The following ARHGAP9 variants were observed in gnomAD, a reference collection of about 807,000 sequenced individuals.
The protein encoded by ARHGAP9 is Rho GTPase activating protein 9.
A neutral mutation model predicts 87.3 loss-of-function variants in ARHGAP9; 76 were observed. The ratio of observed to expected loss-of-function variants is 0.87; its 90% CI spans 0.72 to 1.05. ARHGAP9 has a LOEUF of 1.05. Ranked by LOEUF, ARHGAP9 falls within the 50% of genes least tolerant of loss-of-function variation. ARHGAP9 has a pLI of 0.00. For synonymous variants in ARHGAP9, 382 were observed against 394.9 expected, an observed-to-expected ratio of 0.97 and a Z score of 0.39; for missense variants, 941 against 960.5, an observed-to-expected ratio of 0.98 and a Z score of 0.27.
chr12:57,488,745 T>C (rs1309758396), exon 1 of ARHGAP9: 1 of 1,298,506 alleles, frequency 7.7e-7, no homozygotes, highest in Non-Finnish European at 1.1e-6. Context: ...CTTTCAGTCG[T>C]TAAGTTCTTG....
At chr12:57,488,636 T>C in exon 1 of ARHGAP9, 3 of 1,551,034 alleles carry the variant, frequency 1.9e-6, no homozygotes, top group Non-Finnish European at 2.6e-6. Flanking sequence ...AGCCGATTGT[T>C]TGGGTGACTC....
rs1874554543 is a variant in ARHGAP9 at position 57,478,578 on chromosome 12, A to G, written c.496T>C (p.Ser166Pro). The change falls in exon 3 of 18, where the codon TCC becomes CCC. Residue 166 changes from serine (S) to proline (P), a missense_variant. Ser to Pro is a moderately conservative substitution (Grantham distance 74). Transcript: ENST00000393791. ...FQEGPSGRSL[S>P]QEDLPSEASA... ...GCTTCTGACGGCAAGTCTTCCTGGGAGAGGGATCTTCCGCTTGGTCCTTCC... is the reference window on the plus strand; with the variant it reads ...GCTTCTGACGGCAAGTCTTCCTGGGGGAGGGATCTTCCGCTTGGTCCTTCC... The G allele has an allele frequency of 2.5e-6, 4 of 1,614,034 alleles. No individual in the cohort carries two copies. The highest frequency in any genetic ancestry group is 3.4e-6 in the Non-Finnish European group (4 of 1,180,028).
intron 10 of ARHGAP9, 102 bp downstream of exon 10, chr12:57,475,731 G>T: frequency 6.7e-7 from 1 of 1,488,746 alleles, no homozygotes; most frequent in South Asian, 1.2e-5. Flanking sequence ...GCTCTCCACT[G>T]AGCCCACCCT....
chr12:57,479,986 G>C, upstream of ARHGAP9: 2 of 1,371,952 alleles, frequency 1.5e-6, no homozygotes, highest in Non-Finnish European at 1.9e-6. Context: ...CATGGTGACA[G>C]AGAAACAGAA....
At chr12:57,476,319 G>A (rs753819706) in intron 8 of ARHGAP9, 45 bp downstream of exon 8, 2 of 1,598,898 alleles carry the variant, frequency 1.3e-6, no homozygotes, top group Non-Finnish European at 1.7e-6. Context: ...GCGTGAGGCG[G>A]TAGGCAGCGC....
In ARHGAP9 at chr12:57,479,769, T is replaced by A; in HGVS notation, c.-58A>T. ...CAGAAGATTCAGGAGCAGGAGTTGGTCCTGGGTAGTGGTGGGAGTCTTGAG... is the reference window on the plus strand; with the variant it reads ...CAGAAGATTCAGGAGCAGGAGTTGGACCTGGGTAGTGGTGGGAGTCTTGAG... On this transcript the variant is annotated 5_prime_UTR_variant, in exon 1 of 18. Transcript: ENST00000393791. 1 of 1,550,460 alleles carries A rather than the reference T, an allele frequency of 6.4e-7. No individual in the cohort carries two copies. Among genetic ancestry groups the A allele is most frequent in the Non-Finnish European group, 8.7e-7 (1 of 1,146,886 alleles).
rs773474721 is a variant in ARHGAP9 at position 57,488,186 on chromosome 12, TG to T, written c.-204+425del. On this transcript the variant is annotated intron_variant, in intron 1 of 20. Coordinates refer to the ARHGAP9 transcript ENST00000393797. ...GCAGAGCAGAGGTGCTCATCAGCAC[TG>T]TAGGCCCGGAAGGTACTCGTGCTGG... 1.2e-6 allele frequency: 2 copies of T among 1,613,026 alleles called. No individual in the cohort carries two copies. The highest frequency in any genetic ancestry group is 3.3e-5 in the Admixed American group (2 of 59,940).
Position 57,472,668 on chromosome 12 carries a change from T to A in ARHGAP9, c.2045A>T (p.Lys682Met). 3.1e-6 allele frequency: 5 copies of A among 1,614,192 alleles called. No homozygotes were observed. Among genetic ancestry groups the A allele is most frequent in the Non-Finnish European group, 4.2e-6 (5 of 1,180,034 alleles). The change falls in exon 18 of 18, where the codon AAG becomes ATG. Residue 682 changes from lysine to methionine, a missense_variant. Lys to Met is a moderately conservative substitution (Grantham distance 95, BLOSUM62 -1). Coordinates refer to ENST00000393791, the MANE Select transcript of ARHGAP9 (RefSeq NM_032496.4). ...HLCRVIAHSD[K>M]NRMTPHNLGI... ...CAGGTTGTGGGGTGTCATGCGATTC[T>A]TATCTGAGTGTGCTATCACCCTGTA...
chr12:57,477,077 G>A (rs759329781), intron 5 of ARHGAP9, 79 bp downstream of exon 5: 14 of 1,545,572 alleles, frequency 9.1e-6, no homozygotes, highest in Non-Finnish European at 1.3e-5. Context: ...GTGGGGAATG[G>A]AGAATGTCTT....
At position 57,476,604 on chromosome 12, in the gene ARHGAP9, C is replaced by T. The variant is rs201219723; in HGVS notation, c.1011G>A (p.Gly337=). ...GLLNMTKIAQ[G]GRKLRKNWGP... is the part of the protein sequence containing the mutation. Reference sequence around the variant, plus strand: ...TGGGTTCTCACCTGAGCTTGCGCCCCCCTTGGGCAATCTTGGTCATGTTGA... The same window carrying T: ...TGGGTTCTCACCTGAGCTTGCGCCCTCCTTGGGCAATCTTGGTCATGTTGA... Residue 337 remains glycine (G), a synonymous_variant, in exon 7 of 18, where the codon GGG becomes GGA. Coordinates refer to ENST00000393791, the MANE Select transcript of ARHGAP9 (RefSeq NM_032496.4). 5.1e-5 allele frequency: 82 copies of T among 1,614,184 alleles called. No individual in the cohort carries two copies. Among genetic ancestry groups the T allele is most frequent in the Non-Finnish European group, 6.4e-5 (75 of 1,180,026 alleles).
At chr12:57,486,194 C>T (rs74875570) in intron 1 of ARHGAP9, among the ~76,000 whole-genome samples, 9,020 of 152,170 alleles carry the variant, frequency 0.059, 354 homozygotes, top group Non-Finnish European at 0.09. Flanking sequence ...GAATAAGAAG[C>T]GTCCCTTTCT....
At chr12:57,479,674 CA>C in intron 1 of ARHGAP9, 55 bp downstream of exon 1, 4 of 1,550,696 alleles carry the variant, frequency 2.6e-6, no homozygotes, top group Non-Finnish European at 3.5e-6. Flanking sequence ...GCTGCATGGC[CA>C]GCAAGGCAGG....
Position 57,478,623 on chromosome 12 carries a change from T to C in ARHGAP9, c.451A>G (p.Ser151Gly). ...RSVSTDNLSP[S>G]LLKPFQEGPS... ...CCTTCCTGGAAAGGCTTCAGAAGGC[T>C]GGGGCTCAGATTGTCAGTGCTGACG... Residue 151 changes from serine to glycine, a missense_variant, in exon 3 of 18, where the codon AGC becomes GGC. Transcript: ENST00000393791. 1.2e-6 allele frequency: 2 copies of C among 1,614,076 alleles called. No individual in the cohort carries two copies. The highest frequency in any genetic ancestry group is 1.7e-6 in the Non-Finnish European group (2 of 1,180,018).
rs1183371829 is a variant in ARHGAP9, at chr12:57,474,058, A to T, written c.1902T>A (p.His634Gln). 2 of 1,613,818 alleles carry T rather than the reference A, an allele frequency of 1.2e-6. No homozygotes were observed. Among genetic ancestry groups the T allele is most frequent in the Non-Finnish European group, 1.7e-6 (2 of 1,179,924 alleles). The stretch of plus-strand genomic sequence containing the variant: ...AACCCTTACCAAGGGCAGCACGGAA[A>T]TGGGGCAGCAGCAGTGGTGGCACCA... ...QPLVPPLLLPHFRAALALSES... is the reference protein window; with the variant it reads ...QPLVPPLLLPQFRAALALSES... Residue 634 changes from histidine to glutamine, a missense_variant, in exon 16 of 18, where the codon CAT becomes CAA. Physicochemically the swap from His to Gln is conservative, Grantham distance 24 (BLOSUM62 0). Transcript: ENST00000393791.
chr12:57,479,329 C>T lies in ARHGAP9; in HGVS notation c.78G>A (p.Gln26=), dbSNP rs754236262. The change falls in exon 2 of 18, where the codon CAG becomes CAA. Residue 26 remains glutamine, a synonymous_variant. Coordinates refer to ENST00000393791, the MANE Select transcript of ARHGAP9 (RefSeq NM_032496.4). ...AAGTAAAGGCATAGAGGGCACAGAGCTGGGATCCCCGAGGAGGGCTTCGGG... is the reference window on the plus strand; with the variant it reads ...AAGTAAAGGCATAGAGGGCACAGAGTTGGGATCCCCGAGGAGGGCTTCGGG... ...LGPRSPPRGS[Q]LCALYAFTYT... 4 of 1,614,208 alleles carry T rather than the reference C, an allele frequency of 2.5e-6. No homozygotes were observed. In the South Asian group the frequency reaches 3.3e-5, roughly 13 times the overall value.
rs770503763 is a variant in ARHGAP9, at chr12:57,473,586, G to A, written c.2024+17C>T. The A allele has an allele frequency of 6.2e-7, 1 of 1,602,152 alleles. No individual in the cohort carries two copies. The highest frequency in any genetic ancestry group is 1.1e-5 in the South Asian group (1 of 90,792). On this transcript the variant is annotated intron_variant, in intron 17 of 17. Coordinates refer to ENST00000393791, the MANE Select transcript of ARHGAP9 (RefSeq NM_032496.4). The stretch of plus-strand genomic sequence containing the variant: ...CACCTTTCCCCAGCATGAACAAAGA[G>A]GTTCTGTCTTCCTGACCTGCATAAA...
At position 57,475,871 on chromosome 12, in the gene ARHGAP9, C is replaced by G; in HGVS notation, c.1273G>C (p.Ala425Pro). ...LQSDHETELR[A>P]WHRALRTVIE... ...ACAGTCCGCAGCGCGCGGTGCCAGGCTCGCAGCTCTGTCTCGTGGTCCGAC... is the reference window on the plus strand; with the variant it reads ...ACAGTCCGCAGCGCGCGGTGCCAGGGTCGCAGCTCTGTCTCGTGGTCCGAC... Residue 425 changes from alanine to proline, a missense_variant, in exon 10 of 18, where the codon GCC becomes CCC. Transcript: ENST00000393791. The G allele has an allele frequency of 1.2e-6, 2 of 1,613,960 alleles. No individual in the cohort carries two copies. The highest frequency in any genetic ancestry group is 1.7e-6 in the Non-Finnish European group (2 of 1,179,926).
In ARHGAP9 at chr12:57,476,948, T is replaced by C; in HGVS notation, c.886A>G (p.Ser296Gly). 6.2e-7 allele frequency: 1 copy of C among 1,609,018 alleles called. No homozygotes were observed. The highest frequency in any genetic ancestry group is 8.5e-7 in the Non-Finnish European group (1 of 1,179,388). ...PLDPQGSLSL[S>G]QRTSQLDPPA... The stretch of plus-strand genomic sequence containing the variant: ...GGGTCAAGCTGCGAGGTGCGTTGGC[T>C]GAGGCTGAGTGAACCCTAGGGGAGA... The change falls in exon 6 of 18, where the codon AGC becomes GGC. Residue 296 changes from serine to glycine, a missense_variant. By Grantham distance (56) the Ser-to-Gly change is moderately conservative (BLOSUM62 0). Transcript: ENST00000393791.
chr12:57,475,435 G>A (rs568938401), intron 11 of ARHGAP9, 37 bp from the exon 12 acceptor site: 5 of 1,577,424 alleles, frequency 3.2e-6, no homozygotes, highest in African/African-American at 1.3e-5. Context: ...TGAGCGCCCG[G>A]GAGCCTCGCT....
Sources: gnomAD v4.1 joint callset for allele counts (sites outside exome capture counted in the v4.1 genomes callset) on GRCh38, gnomAD v4.1.1 for gene constraint, MANE v1.5 for transcripts, NCBI Gene and HGNC (gene_info 2026-07-23, HGNC 2026-07-21) for gene names.